BRWD3: variants seen among roughly 807,000 people sequenced by gnomAD.
BRWD3 encodes the protein bromodomain and WD repeat domain containing 3.
Under a neutral mutation model 149.7 loss-of-function variants are expected in BRWD3, and 10 were observed. The observed-to-expected ratio is 0.07, with a 90% CI of 0.04 to 0.11. The LOEUF is 0.11. Ranked by LOEUF, BRWD3 falls within the 10% of genes least tolerant of loss-of-function variation. The probability of loss-of-function intolerance (pLI) is 1.00; values close to 1 mark genes in which losing one functional copy is unlikely to be tolerated. For missense variants in BRWD3, 940 were observed against 1,373.2 expected, an observed-to-expected ratio of 0.68 and a Z score of 4.99; for synonymous variants, 504 against 456.7, an observed-to-expected ratio of 1.10 and a Z score of -1.32.
chrX:80,808,639 T>C (rs1222381303), intron 3 of BRWD3, 41 bp from the exon 4 acceptor site: 6 of 1,151,024 alleles, frequency 5.2e-6, no homozygotes, highest in East Asian at 3.0e-5. Context: ...CGGAGGCAAA[T>C]GATGAAGGAA....
intron 28 of BRWD3, 28 bp from the exon 29 acceptor site, chrX:80,692,178 A>T (rs369807002): frequency 1.7e-6 from 2 of 1,149,345 alleles, no homozygotes; most frequent in African/African-American, 3.6e-5. Context: ...GATGCAAATC[A>T]AATTAATCAT....
At chrX:80,793,917 G>A (rs984971814) in intron 4 of BRWD3, 145 bp from the exon 5 acceptor site, 12 of 626,690 alleles carry the variant, frequency 1.9e-5, no homozygotes, top group Middle Eastern at 5.2e-4. Flanking sequence ...GATGGCTCAC[G>A]CCTGTAATCC....
chrX:80,798,598 A>T (rs1417063340), intron 4 of BRWD3, among the ~76,000 whole-genome samples: 1 of 107,668 alleles, frequency 9.3e-6, no homozygotes, highest in African/African-American at 3.4e-5. Flanking sequence ...CATTCTCTAT[A>T]AACAAAGTTT....
chrX:80,676,840 T>C lies in BRWD3; in HGVS notation c.5178A>G (p.Ala1726=). 8.3e-7 allele frequency: 1 copy of C among 1,211,396 alleles called. No individual in the cohort carries two copies. The highest frequency in any genetic ancestry group is 1.8e-5 in the South Asian group (1 of 56,954). The part of the protein sequence containing the change: ...ASRGATRAKR[A]RIADDEFDTM... ...TATCAAATTCATCATCTGCAATACG[T>C]GCTCGTTTGGCTCTGGTAGCTCCTC... Residue 1726 remains alanine, a synonymous_variant, in exon 41 of 41, where the codon GCA becomes GCG. Coordinates refer to ENST00000373275, the MANE Select transcript of BRWD3 (RefSeq NM_153252.5).
At chrX:80,792,056 T>G in intron 5 of BRWD3, 104 bp from the exon 6 acceptor site, 2 of 546,906 alleles carry the variant, frequency 3.7e-6, no homozygotes, top group Non-Finnish European at 6.0e-6. Flanking sequence ...GGAATACATT[T>G]TTAATTATTA....
rs765516725 is a variant in BRWD3 at position 80,716,201 on chromosome X, A to G, written c.2281T>C (p.Tyr761His). Reference sequence around the variant, plus strand: ...GGCTTTTTCTTCTTTTCAACTGTATAAAGACTGATTTCTATGTCACCTTTT... The same window carrying G: ...GGCTTTTTCTTCTTTTCAACTGTATGAAGACTGATTTCTATGTCACCTTTT... ...TAKGDIEISL[Y>H]TVEKKKKPSY... Residue 761 changes from tyrosine to histidine, a missense_variant, in exon 20 of 41, where the codon TAT becomes CAT. By Grantham distance (83) the Tyr-to-His change is moderately conservative (BLOSUM62 2). Transcript: ENST00000373275. 1.7e-6 allele frequency: 2 copies of G among 1,210,403 alleles called. No individual in the cohort carries two copies.
intron 4 of BRWD3, among the ~76,000 whole-genome samples, chrX:80,801,214 CTT>C (rs763933804): frequency 7.0e-3 from 399 of 57,304 alleles, no homozygotes; most frequent in Non-Finnish European, 9.6e-3. Context: ...GAGAAAACAT[CTT>C]TTTTTTTTTT....
intron 9 of BRWD3, among the ~76,000 whole-genome samples, 195 bp downstream of exon 9, chrX:80,735,793 G>C (rs2073395117): frequency 1.1e-5 from 1 of 94,580 alleles, no homozygotes; most frequent in Non-Finnish European, 2.1e-5. Flanking sequence ...AACAGAGCGA[G>C]ACTCTGTCTC....
intron 20 of BRWD3, 24 bp downstream of exon 20, chrX:80,716,132 CA>C: frequency 1.8e-6 from 2 of 1,121,607 alleles, no homozygotes; most frequent in Non-Finnish European, 2.5e-6. Flanking sequence ...TAGTGTATCC[CA>C]AAGTATTGTA....
intron 27 of BRWD3, among the ~76,000 whole-genome samples, chrX:80,695,676 A>G (rs921098227): frequency 6.3e-5 from 7 of 111,644 alleles, no homozygotes; most frequent in Non-Finnish European, 9.4e-5. Context: ...TTTTCTTTAT[A>G]TTCCTGTTTG....
intron 3 of BRWD3, 27 bp from the exon 4 acceptor site, chrX:80,808,625 G>A (rs1413539153): frequency 9.3e-6 from 11 of 1,187,997 alleles, no homozygotes; most frequent in Non-Finnish European, 1.3e-5. Context: ...AAGAAAGGGG[G>A]AAGCGGAGGC....
At chrX:80,709,268 T>C (rs1317524686) in intron 21 of BRWD3, among the ~76,000 whole-genome samples, 160 bp downstream of exon 21, 1 of 111,631 alleles carries the variant, frequency 9.0e-6, no homozygotes, top group African/African-American at 3.3e-5. Flanking sequence ...GAATTAAATA[T>C]GCCCAAATAT....
chrX:80,737,561 G>A (rs112079566), intron 8 of BRWD3, among the ~76,000 whole-genome samples: 64 of 112,216 alleles, frequency 5.7e-4, no homozygotes, highest in African/African-American at 1.8e-3. Context: ...CTGGCTGGGC[G>A]CAGTGGCTCA....
chrX:80,775,069 C>G (rs1018198137), intron 6 of BRWD3, among the ~76,000 whole-genome samples: 11 of 112,004 alleles, frequency 9.8e-5, no homozygotes, highest in African/African-American at 3.6e-4. Context: ...GACCATGGAC[C>G]AAATGTAACC....
intron 6 of BRWD3, among the ~76,000 whole-genome samples, chrX:80,787,611 C>T (rs2074124389): frequency 9.2e-6 from 1 of 108,917 alleles, no homozygotes; most frequent in Non-Finnish European, 1.9e-5. Flanking sequence ...AAACCACACA[C>T]CTGATATAAA....
At chrX:80,723,636 A>G in intron 16 of BRWD3, 112 bp downstream of exon 16, 1 of 826,490 alleles carries the variant, frequency 1.2e-6, no homozygotes, top group Non-Finnish European at 1.7e-6. Context: ...ACTTTCTTTT[A>G]TTTTGTATCT....
chrX:80,760,070 A>G (rs192217788), intron 6 of BRWD3, among the ~76,000 whole-genome samples: 1 of 112,089 alleles, frequency 8.9e-6, no homozygotes, highest in Admixed American at 9.5e-5. Flanking sequence ...TCAAGTTTCT[A>G]TAACTCTTCA....
chrX:80,745,566 C>T lies in BRWD3; in HGVS notation c.591+3G>A. The T allele has an allele frequency of 1.7e-6, 2 of 1,202,398 alleles. No homozygotes were observed. The highest frequency in any genetic ancestry group is 3.6e-5 in the South Asian group (2 of 56,187). On this transcript the variant is annotated splice_donor_region_variant and intron_variant, in intron 7 of 40. Coordinates refer to ENST00000373275, the MANE Select transcript of BRWD3 (RefSeq NM_153252.5). ...GTTACCATATTATAAATTTTACACT[C>T]ACTGTAAAAATTCTTCTCCCGCTTC...
chrX:80,794,165 G>C (rs2074212024), intron 4 of BRWD3, among the ~76,000 whole-genome samples: 1 of 110,970 alleles, frequency 9.0e-6, no homozygotes, highest in African/African-American at 3.3e-5. Flanking sequence ...GCAACACAGC[G>C]AGACTCTGAC....
Sources: gnomAD v4.1 joint callset for allele counts (sites outside exome capture counted in the v4.1 genomes callset) on GRCh38, gnomAD v4.1.1 for gene constraint, MANE v1.5 for transcripts, NCBI Gene and HGNC (gene_info 2026-07-23, HGNC 2026-07-21) for gene names.